Variants in ARHGAP40 observed in about 807,000 individuals in gnomAD.
The protein encoded by ARHGAP40 is Rho GTPase activating protein 40, also known as rho GTPase-activating protein 40.
In ARHGAP40, 43 loss-of-function variants were observed where a neutral mutation model predicts 73.5. That is an observed-to-expected ratio of 0.58 (90% confidence interval 0.46 to 0.75). ARHGAP40 has a LOEUF of 0.75. Ranked by LOEUF, ARHGAP40 falls within the 30% of genes least tolerant of loss-of-function variation. The pLI is 0.00. For synonymous variants in ARHGAP40, 300 were observed against 352.8 expected (o/e 0.85, Z 1.68); for missense variants, 734 against 861.8 (o/e 0.85, Z 1.86).
chr20:38,630,988 C>T (rs1374403729), intron 5 of ARHGAP40, among the ~76,000 whole-genome samples: 2 of 152,138 alleles, frequency 1.3e-5, no homozygotes, highest in Non-Finnish European at 2.9e-5. Context: ...TTCCAGTGCC[C>T]TCATTGCTCC....
intron 7 of ARHGAP40, among the ~76,000 whole-genome samples, 182 bp downstream of exon 7, chr20:38,637,981 G>A (rs2088988000): frequency 6.6e-6 from 1 of 151,930 alleles, no homozygotes; most frequent in African/African-American, 2.4e-5. Flanking sequence ...TTTTGCTGTT[G>A]TTGTTGTTGT....
chr20:38,611,535 C>T (rs753841658), intron 1 of ARHGAP40, among the ~76,000 whole-genome samples: 5 of 151,006 alleles, frequency 3.3e-5, no homozygotes, highest in Non-Finnish European at 5.9e-5. Flanking sequence ...CTCCTGCCCA[C>T]GCCTCCTGAA....
At chr20:38,612,151 T>A (rs907037384) in intron 1 of ARHGAP40, among the ~76,000 whole-genome samples, 2 of 152,236 alleles carry the variant, frequency 1.3e-5, no homozygotes, top group African/African-American at 4.8e-5. Flanking sequence ...ATTAATGAGA[T>A]ATTTTACATT....
chr20:38,623,181 C>A (rs115169150), intron 1 of ARHGAP40, among the ~76,000 whole-genome samples, 178 bp from the exon 2 acceptor site: 272 of 152,296 alleles, frequency 1.8e-3, no homozygotes, highest in African/African-American at 5.9e-3. Context: ...TTCCAAGGAT[C>A]CCGCAGGGGT....
intron 1 of ARHGAP40, among the ~76,000 whole-genome samples, chr20:38,617,621 A>G (rs1189017218): frequency 3.9e-5 from 6 of 152,314 alleles, no homozygotes; most frequent in Admixed American, 3.3e-4. Context: ...AGGGCTTTGC[A>G]TTCAGGAAGG....
chr20:38,636,264 A>ATT (rs926884192), intron 6 of ARHGAP40, among the ~76,000 whole-genome samples: 2 of 145,214 alleles, frequency 1.4e-5, no homozygotes, highest in African/African-American at 2.5e-5. Flanking sequence ...TTATTTATTT[A>ATT]TTTTTTTTTT....
intron 5 of ARHGAP40, among the ~76,000 whole-genome samples, chr20:38,633,642 A>G (rs2088955138): frequency 6.6e-6 from 1 of 152,206 alleles, no homozygotes; most frequent in Non-Finnish European, 1.5e-5. Context: ...GCTGTATTAT[A>G]AGCATCAATT....
chr20:38,623,802 C>T (rs1431930219), intron 2 of ARHGAP40, among the ~76,000 whole-genome samples: 1 of 152,158 alleles, frequency 6.6e-6, no homozygotes, highest in Admixed American at 6.5e-5. Context: ...TAGAGTAAGT[C>T]CTTCAGGAAA....
At chr20:38,611,394 G>A (rs1236322287) in intron 1 of ARHGAP40, among the ~76,000 whole-genome samples, 1 of 148,266 alleles carries the variant, frequency 6.7e-6, no homozygotes, top group Non-Finnish European at 1.5e-5. Flanking sequence ...TTTATGGAGG[G>A]CACTAAGCCT....
chr20:38,606,888 G>C (rs1883785), intron 1 of ARHGAP40, among the ~76,000 whole-genome samples: 107,364 of 152,106 alleles, frequency 0.71, 39,728 homozygotes, highest in East Asian at 0.86. Flanking sequence ...ATATGTCAGG[G>C]GTAGAAGGAC....
chr20:38,631,341 T>C (rs2088937230), intron 5 of ARHGAP40, among the ~76,000 whole-genome samples: 1 of 150,180 alleles, frequency 6.7e-6, no homozygotes, highest in Non-Finnish European at 1.5e-5. Flanking sequence ...GTGGCATATG[T>C]TAGTCTGTTT....
rs375140156 is a variant in ARHGAP40 at position 38,642,298 on chromosome 20, C to G, written c.1362+490C>G. Among the ~76,000 whole-genome samples, 3 of 152,182 alleles carry G rather than the reference C, an allele frequency of 2.0e-5. No homozygotes were observed. The East Asian group carries it at 5.8e-4, about 29-fold the overall frequency. ...GGGAAACAGACCCTTAGCAAATTCT[C>G]CTTGTCGTATGGGAATGGATGCAGG... On this transcript the variant is annotated intron_variant, in intron 10 of 14. Coordinates refer to ENST00000373345, the Ensembl canonical transcript of ARHGAP40.
intron 1 of ARHGAP40, among the ~76,000 whole-genome samples, chr20:38,611,191 G>T (rs1323914264): frequency 6.6e-6 from 1 of 151,828 alleles, no homozygotes; most frequent in East Asian, 1.9e-4. Context: ...TGGCCATTGT[G>T]ATGTCTATTT....
chr20:38,608,169 T>C (rs922678772), intron 1 of ARHGAP40, among the ~76,000 whole-genome samples: 1 of 152,230 alleles, frequency 6.6e-6, no homozygotes, highest in African/African-American at 2.4e-5. Flanking sequence ...ACCATTTATT[T>C]CTTACTGACT....
At chr20:38,618,177 G>A (rs1435530290) in intron 1 of ARHGAP40, among the ~76,000 whole-genome samples, 1 of 150,592 alleles carries the variant, frequency 6.6e-6, no homozygotes, top group Non-Finnish European at 1.5e-5. Context: ...TTGGTTCACT[G>A]TAATCTCTGC....
exon 13 of ARHGAP40, chr20:38,647,039 C>A: frequency 7.7e-7 from 1 of 1,305,412 alleles, no homozygotes; most frequent in Non-Finnish European, 1.0e-6. Flanking sequence ...ACCAAAGTGG[C>A]CCACGTCCTG....
Position 38,643,700 on chromosome 20 carries a change from C to A in ARHGAP40, c.1363-4C>A. On this transcript the variant is annotated splice_polypyrimidine_tract_variant and splice_region_variant and intron_variant, in intron 10 of 14. Transcript: ENST00000373345. ...TTTGAGGGAGGCTCTGCACCCTTCCCTAGGCACTGCTGGAATTCCTCAGGA... is the reference window on the plus strand; with the variant it reads ...TTTGAGGGAGGCTCTGCACCCTTCCATAGGCACTGCTGGAATTCCTCAGGA... The A allele has an allele frequency of 7.7e-7, 1 of 1,305,674 alleles. No individual in the cohort carries two copies. The highest frequency in any genetic ancestry group is 1.0e-6 in the Non-Finnish European group (1 of 988,990). The allele number at this position is 1,305,674 out of a possible 1,614,324, so 80.9% of individuals were successfully genotyped here.
chr20:38,631,518 C>T (rs747673679), intron 5 of ARHGAP40, among the ~76,000 whole-genome samples: 31 of 152,228 alleles, frequency 2.0e-4, no homozygotes, highest in Admixed American at 9.8e-4. Flanking sequence ...CATCAGATCT[C>T]GTGAGACTTA....
At chr20:38,649,639 T>C in intron 14 of ARHGAP40, 118 bp from the exon 15 acceptor site, 1 of 509,470 alleles carries the variant, frequency 2.0e-6, no homozygotes, top group Admixed American at 2.8e-5. Flanking sequence ...CTGTGAGCTG[T>C]AGCAGTCAAG....
Sources: allele counts gnomAD v4.1 joint callset (sites outside exome capture counted in the v4.1 genomes callset), GRCh38; gene constraint gnomAD v4.1.1; transcripts MANE v1.5; gene names NCBI Gene and HGNC (gene_info 2026-07-23, HGNC 2026-07-21).